CFAP20DC: variants seen among roughly 807,000 people sequenced by gnomAD.
CFAP20DC encodes protein CFAP20DC.
Under a neutral mutation model 101.7 loss-of-function variants are expected in CFAP20DC, and 84 were observed. The ratio of observed to expected loss-of-function variants is 0.83; its 90% confidence interval spans 0.69 to 0.99. The LOEUF (loss-of-function observed/expected upper bound fraction) is 0.99. Among genes scored for constraint, CFAP20DC ranks in the 50% least tolerant of loss-of-function variants. The pLI is 0.00. For synonymous variants in CFAP20DC, 359 were observed against 351.2 expected, an observed-to-expected ratio of 1.02 and a Z score of -0.25; for missense variants, 1,007 against 970.3, an observed-to-expected ratio of 1.04 and a Z score of -0.50.
intron 3 of CFAP20DC, among the ~76,000 whole-genome samples, chr3:59,039,920 G>A (rs1386537532): frequency 1.3e-5 from 2 of 151,912 alleles, no homozygotes; most frequent in Non-Finnish European, 2.9e-5. Context: ...TAGGTTGCAA[G>A]AGAATGTACA....
intron 4 of CFAP20DC, among the ~76,000 whole-genome samples, chr3:59,035,266 C>T (rs1165083555): frequency 1.3e-5 from 2 of 152,120 alleles, no homozygotes; most frequent in Non-Finnish European, 2.9e-5. Flanking sequence ...GACACCCTAA[C>T]ATCACAATTA....
chr3:58,747,332 T>A (rs1398778119), intron 16 of CFAP20DC, among the ~76,000 whole-genome samples: 2 of 152,210 alleles, frequency 1.3e-5, no homozygotes, highest in Non-Finnish European at 2.9e-5. Flanking sequence ...CTTCTCTGGG[T>A]AGATCAGCTC....
rs1056374083 is a variant in CFAP20DC at position 58,784,502 on chromosome 3, A to T, written c.2237+21893T>A. On this transcript the variant is annotated intron_variant, in intron 15 of 16. Coordinates refer to ENST00000482387, the MANE Select transcript of CFAP20DC (RefSeq NM_001394063.1). Reference sequence around the variant, plus strand: ...ACCCACGTAACAAATCTGCACATGTATCCTCTGAATCTAAAATAAAAGCCA... The same window carrying T: ...ACCCACGTAACAAATCTGCACATGTTTCCTCTGAATCTAAAATAAAAGCCA... Among the ~76,000 whole-genome samples, 11 of 152,206 alleles carry T rather than the reference A, an allele frequency of 7.2e-5. No individual in the cohort carries two copies. In the South Asian group the frequency reaches 2.1e-3, roughly 29 times the overall value.
At chr3:58,965,597 CAAT>C (rs1050985870) in intron 4 of CFAP20DC, among the ~76,000 whole-genome samples, 6 of 151,672 alleles carry the variant, frequency 4.0e-5, no homozygotes, top group Non-Finnish European at 7.4e-5. Flanking sequence ...TAAATGAGGA[CAAT>C]AATAATAATA....
chr3:58,838,785 G>A (rs377472266), intron 13 of CFAP20DC, among the ~76,000 whole-genome samples: 4 of 151,978 alleles, frequency 2.6e-5, no homozygotes, highest in Non-Finnish European at 4.4e-5. Flanking sequence ...TAAGTTTCCC[G>A]CACCTATCTT....
chr3:58,936,307 C>A (rs2087597401), intron 5 of CFAP20DC, among the ~76,000 whole-genome samples: 2 of 152,194 alleles, frequency 1.3e-5, no homozygotes, highest in South Asian at 2.1e-4. Flanking sequence ...GAAATAGGAA[C>A]AATTTTACAC....
At chr3:58,930,836 G>A (rs1316273682) in intron 5 of CFAP20DC, among the ~76,000 whole-genome samples, 4 of 152,226 alleles carry the variant, frequency 2.6e-5, no homozygotes, top group African/African-American at 9.6e-5. Context: ...CTCCCAGCGT[G>A]AGCGACGCAG....
At chr3:58,916,776 T>C (rs183334301) in intron 5 of CFAP20DC, among the ~76,000 whole-genome samples, 124 of 152,296 alleles carry the variant, frequency 8.1e-4, no homozygotes, top group Middle Eastern at 3.4e-3. Flanking sequence ...CTGATATTGA[T>C]AAAGCTTCCA....
At chr3:58,961,060 A>T (rs375818664) in intron 4 of CFAP20DC, among the ~76,000 whole-genome samples, 2 of 152,240 alleles carry the variant, frequency 1.3e-5, no homozygotes, top group African/African-American at 4.8e-5. Context: ...ATTTTTGGAT[A>T]TAGACCCAAC....
rs567123702 is a variant in CFAP20DC at position 58,869,163 on chromosome 3, A to T, written c.1015+165T>A. Among the ~76,000 whole-genome samples the T allele has an allele frequency of 1.3e-5, 2 of 152,236 alleles. No individual in the cohort carries two copies. Among genetic ancestry groups the T allele is most frequent in the South Asian group, 4.1e-4 (2 of 4,834 alleles). The stretch of plus-strand genomic sequence containing the variant: ...AGAATGATAGATTTCAGAAGCTAAT[A>T]TAAGAATTTCAAATATATTTCAAAA... On this transcript the variant is annotated intron_variant, in intron 9 of 16. Coordinates refer to ENST00000482387, the MANE Select transcript of CFAP20DC (RefSeq NM_001394063.1). This position sits in a 1 kb window ranked among gnomAD's most constrained non-coding sequence, Gnocchi z 4.3.
chr3:58,822,338 A>AACC (rs2075727832), intron 14 of CFAP20DC, among the ~76,000 whole-genome samples: 1 of 128,828 alleles, frequency 7.8e-6, no homozygotes, highest in African/African-American at 3.1e-5. Flanking sequence ...CAAACAAACA[A>AACC]AAAAAACCAA....
intron 4 of CFAP20DC, among the ~76,000 whole-genome samples, chr3:59,032,566 A>G (rs1263283504): frequency 6.6e-6 from 1 of 152,162 alleles, no homozygotes; most frequent in Non-Finnish European, 1.5e-5. Flanking sequence ...CCTCACAGTG[A>G]AAACAAAGCC....
At chr3:58,765,490 C>CAAAAAAAAAAAAAAAAACAA (rs1553651617) in intron 15 of CFAP20DC, among the ~76,000 whole-genome samples, 21 of 81,792 alleles carry the variant, frequency 2.6e-4, no homozygotes, top group South Asian at 4.3e-4. Flanking sequence ...AAAAAAAAAC[C>CAAAAAAAAAAAAAAAAACAA]AAAAAAAAAA....
intron 4 of CFAP20DC, among the ~76,000 whole-genome samples, chr3:58,960,555 T>C (rs1313432561): frequency 2.0e-5 from 3 of 152,004 alleles, no homozygotes; most frequent in African/African-American, 4.8e-5. Context: ...GGGATTGGAA[T>C]TGTTTTCTTA....
intron 14 of CFAP20DC, among the ~76,000 whole-genome samples, chr3:58,811,788 A>G (rs1456549501): frequency 1.3e-5 from 2 of 150,396 alleles, no homozygotes; most frequent in East Asian, 4.0e-4. Flanking sequence ...ATGGGAGAAA[A>G]TTTTCGCAAC....
chr3:59,038,846 T>C (rs536878380), intron 4 of CFAP20DC, among the ~76,000 whole-genome samples: 8 of 152,116 alleles, frequency 5.3e-5, no homozygotes, highest in Non-Finnish European at 1.2e-4. Flanking sequence ...TATTCTGGCA[T>C]GGAAAATAAA....
chr3:58,928,818 T>C (rs1485902448), intron 5 of CFAP20DC, among the ~76,000 whole-genome samples: 1 of 152,198 alleles, frequency 6.6e-6, no homozygotes, highest in African/African-American at 2.4e-5. Context: ...TTTTAAAATT[T>C]AGCATAACAT....
chr3:59,043,203 G>C (rs1699549433), intron 3 of CFAP20DC, among the ~76,000 whole-genome samples: 1 of 152,134 alleles, frequency 6.6e-6, no homozygotes, highest in South Asian at 2.1e-4. Flanking sequence ...AGTAAGTGTA[G>C]ATAGAGTGCC....
chr3:58,833,772 T>C (rs574873802), intron 13 of CFAP20DC, among the ~76,000 whole-genome samples: 1 of 152,280 alleles, frequency 6.6e-6, no homozygotes, highest in South Asian at 2.1e-4. Context: ...TGCACACAAA[T>C]GTTCAAAGAA....
Sources: gnomAD v4.1 joint callset for allele counts (sites outside exome capture counted in the v4.1 genomes callset) on GRCh38, gnomAD v4.1.1 for gene constraint, Gnocchi (gnomAD v3.1) non-coding constraint, MANE v1.5 for transcripts, NCBI Gene and HGNC (gene_info 2026-07-23, HGNC 2026-07-21) for gene names.